PTPRD: variants seen among roughly 807,000 people sequenced by gnomAD.
PTPRD encodes the protein protein tyrosine phosphatase receptor type D.
In PTPRD, 34 loss-of-function variants were observed where a neutral mutation model predicts 214.5. The observed-to-expected ratio is 0.16, with a 90% CI of 0.12 to 0.21. The LOEUF (loss-of-function observed/expected upper bound fraction) is 0.21, where lower values mean the gene tolerates loss of function less well. Among genes scored for constraint, PTPRD ranks in the 10% least tolerant of loss-of-function variants. PTPRD has a pLI of 1.00. For missense variants in PTPRD, 2,545 were observed against 2,398.7 expected (o/e 1.06, Z -1.27); for synonymous variants, 1,128 against 845.7 (o/e 1.33, Z -5.79).
At chr9:9,963,331 G>A (rs976658531) in intron 4 of PTPRD, among the ~76,000 whole-genome samples, 21 of 152,116 alleles carry the variant, frequency 1.4e-4, no homozygotes, top group African/African-American at 4.6e-4. Context: ...GCACTCAATA[G>A]ATCCCTGTAA....
chr9:8,337,718 G>C (rs1166242291), intron 43 of PTPRD, among the ~76,000 whole-genome samples: 2 of 151,930 alleles, frequency 1.3e-5, no homozygotes, highest in Non-Finnish European at 2.9e-5. Context: ...ATTGTGATCA[G>C]ATTTAAGTTG....
At chr9:10,131,300 G>C (rs1477575783) in intron 3 of PTPRD, among the ~76,000 whole-genome samples, 1 of 152,112 alleles carries the variant, frequency 6.6e-6, no homozygotes, top group African/African-American at 2.4e-5. Context: ...AGATACCATA[G>C]TGTAACTTTT....
In PTPRD at chr9:9,512,291, G is replaced by A. The variant is rs937719486; in HGVS notation, c.-237+62441C>T. 3.3e-5 allele frequency among the ~76,000 whole-genome samples: 5 copies of A among 151,910 alleles called. No individual in the cohort carries two copies. In the East Asian group the frequency reaches 5.8e-4, roughly 18 times the overall value. On this transcript the variant is annotated intron_variant, in intron 8 of 45. Transcript: ENST00000381196. Reference sequence around the variant, plus strand: ...ATAAATGCAGAAATCAAAGATGATTGAGCAGGTGATTATTTCTATTTTTCT... The same window carrying A: ...ATAAATGCAGAAATCAAAGATGATTAAGCAGGTGATTATTTCTATTTTTCT...
rs2135902058 is a variant in PTPRD at position 8,485,773 on chromosome 9, G to A, written c.3044C>T (p.Pro1015Leu). Residue 1015 changes from proline (P) to leucine (L), a missense_variant, in exon 28 of 46, where the codon CCT (proline) becomes CTT (leucine). Pro to Leu is a moderately conservative substitution (Grantham distance 98). Coordinates refer to ENST00000381196, the MANE Select transcript of PTPRD (RefSeq NM_002839.4). The stretch of plus-strand genomic sequence containing the variant: ...CAGACAAATCCTACCTTGATCCACA[G>A]GCAGTGTCCTGAACTGGACACTGGG... ...YSPSVQFRTL[P>L]VDQVFAKNFH... 6.2e-7 allele frequency: 1 copy of A among 1,611,152 alleles called. No individual in the cohort carries two copies. Among genetic ancestry groups the A allele is most frequent in the Non-Finnish European group, 8.5e-7 (1 of 1,178,600 alleles).
chr9:9,611,375 T>C (rs2094503921), intron 7 of PTPRD, among the ~76,000 whole-genome samples: 1 of 152,204 alleles, frequency 6.6e-6, no homozygotes, highest in Admixed American at 6.5e-5. Context: ...ATTATAAATT[T>C]TTTTTCAAAT....
chr9:8,671,538 G>GCTT (rs1257065326), intron 12 of PTPRD, among the ~76,000 whole-genome samples: 1 of 151,952 alleles, frequency 6.6e-6, no homozygotes, highest in African/African-American at 2.4e-5. Flanking sequence ...TTTCTAAACT[G>GCTT]TAAAGCAGTT....
At chr9:9,733,921 A>T (rs549842297) in intron 7 of PTPRD, among the ~76,000 whole-genome samples, 1 of 152,322 alleles carries the variant, frequency 6.6e-6, no homozygotes, top group Admixed American at 6.5e-5. Flanking sequence ...ATGAATACAA[A>T]GCTGCTGTTT....
At chr9:9,952,870 GGCT>G (rs1398492867) in intron 4 of PTPRD, among the ~76,000 whole-genome samples, 8 of 152,044 alleles carry the variant, frequency 5.3e-5, no homozygotes, top group Non-Finnish European at 5.9e-5. Flanking sequence ...TCACTTATCT[GGCT>G]GCTATTTCCC....
At chr9:9,014,141 C>G (rs613105) in intron 11 of PTPRD, among the ~76,000 whole-genome samples, 1 of 149,984 alleles carries the variant, frequency 6.7e-6, no homozygotes, top group South Asian at 2.1e-4. Flanking sequence ...AATTAAAGAG[C>G]AAAATGAATA....
intron 2 of PTPRD, among the ~76,000 whole-genome samples, chr9:10,424,623 C>T (rs996284179): frequency 6.6e-6 from 1 of 151,864 alleles, no homozygotes; most frequent in Non-Finnish European, 1.5e-5. Context: ...TGAGGAAAAC[C>T]ATGACAGGGA....
chr9:8,803,084 T>C (rs1421446024), intron 11 of PTPRD, among the ~76,000 whole-genome samples: 5 of 151,942 alleles, frequency 3.3e-5, no homozygotes, highest in Admixed American at 3.3e-4. Flanking sequence ...ATAAATAAAA[T>C]GGACATAATA....
intron 14 of PTPRD, among the ~76,000 whole-genome samples, chr9:8,623,728 G>C (rs138043828): frequency 5.5e-4 from 83 of 151,826 alleles, no homozygotes; most frequent in African/African-American, 1.9e-3. Flanking sequence ...CGACTTGATA[G>C]ACAGATGCTG....
chr9:10,240,246 C>T (rs1050464686), intron 3 of PTPRD, among the ~76,000 whole-genome samples: 77 of 152,060 alleles, frequency 5.1e-4, no homozygotes, highest in African/African-American at 1.8e-3. Flanking sequence ...ACCTTTGATT[C>T]TTCCTTCTGA....
chr9:8,940,182 A>G lies in PTPRD; in HGVS notation c.-104+78515T>C, dbSNP rs1000122268. On this transcript the variant is annotated intron_variant, in intron 11 of 45. Transcript: ENST00000381196. ...GCTCTGAACTCAGTCTTCAGGCTAC[A>G]TGGTTCAATCCCTGATACCGTGTTT... Among the ~76,000 whole-genome samples, 116 of 151,210 alleles carry G rather than the reference A, an allele frequency of 7.7e-4. 1 individual carries two copies. The highest frequency in any genetic ancestry group is 1.3e-3 in the Non-Finnish European group (85 of 67,920).
At chr9:10,349,314 T>C (rs1181491560) in intron 2 of PTPRD, among the ~76,000 whole-genome samples, 1 of 151,950 alleles carries the variant, frequency 6.6e-6, no homozygotes, top group Non-Finnish European at 1.5e-5. Context: ...GAGACCTGCC[T>C]GGATCATTTT....
At chr9:10,511,870 G>C (rs2048160690) in intron 2 of PTPRD, among the ~76,000 whole-genome samples, 1 of 89,464 alleles carries the variant, frequency 1.1e-5, no homozygotes, top group Non-Finnish European at 2.4e-5. Context: ...GTGTGTGTGT[G>C]TGTGTGTGTA....
At chr9:8,595,108 C>T (rs893818325) in intron 14 of PTPRD, among the ~76,000 whole-genome samples, 2 of 151,456 alleles carry the variant, frequency 1.3e-5, no homozygotes, top group South Asian at 2.1e-4. Context: ...CATGATCTGC[C>T]CGCCTCGGCC....
intron 5 of PTPRD, among the ~76,000 whole-genome samples, chr9:9,769,140 A>C (rs1404067496): frequency 6.6e-6 from 1 of 152,090 alleles, no homozygotes; most frequent in Non-Finnish European, 1.5e-5. Flanking sequence ...AACAACAAGG[A>C]AAGAAGAAAA....
chr9:8,665,331 C>T (rs913589249), intron 12 of PTPRD, among the ~76,000 whole-genome samples: 2 of 152,190 alleles, frequency 1.3e-5, no homozygotes, highest in Admixed American at 6.5e-5. Flanking sequence ...GTAGACTTGG[C>T]TGCATTGCAC....
Sources: gnomAD v4.1 joint callset for allele counts (sites outside exome capture counted in the v4.1 genomes callset) on GRCh38, gnomAD v4.1.1 for gene constraint, MANE v1.5 for transcripts, NCBI Gene and HGNC (gene_info 2026-07-23, HGNC 2026-07-21) for gene names.